Variants in CFAP77 observed in about 807,000 individuals in gnomAD.
CFAP77 encodes cilia- and flagella-associated protein 77.
In CFAP77, 25 loss-of-function variants were observed where a neutral mutation model predicts 31.1. The ratio of observed to expected loss-of-function variants is 0.80; its 90% CI spans 0.59 to 1.12. The LOEUF (loss-of-function observed/expected upper bound fraction) is 1.12, where lower values mean the gene tolerates loss of function less well. Ranked by LOEUF, CFAP77 falls within the 50% of genes most tolerant of loss-of-function variation. CFAP77 has a pLI of 0.00. For missense variants in CFAP77, 377 were observed against 397.3 expected, an observed-to-expected ratio of 0.95 and a Z score of 0.44; for synonymous variants, 151 against 159.9, an observed-to-expected ratio of 0.94 and a Z score of 0.42.
chr9:132,548,616 T>C (rs1852773028), intron 5 of CFAP77, among the ~76,000 whole-genome samples: 2 of 152,056 alleles, frequency 1.3e-5, no homozygotes, highest in Non-Finnish European at 1.5e-5. Flanking sequence ...ATAAAATCTA[T>C]GTTATAATTA....
chr9:132,519,701 T>G (rs960950433), intron 3 of CFAP77, among the ~76,000 whole-genome samples: 3 of 59,800 alleles, frequency 5.0e-5, no homozygotes, highest in African/African-American at 6.4e-5. Flanking sequence ...GGTGGATGGG[T>G]GGGTGGGTGG....
intron 1 of CFAP77, among the ~76,000 whole-genome samples, chr9:132,453,521 G>A (rs1200523674): frequency 2.0e-5 from 3 of 152,164 alleles, no homozygotes; most frequent in South Asian, 2.1e-4. Flanking sequence ...GCGAGACTCC[G>A]TCTCAAAAAA....
At chr9:132,443,428 T>A (rs1188806731) in intron 1 of CFAP77, among the ~76,000 whole-genome samples, 2 of 152,100 alleles carry the variant, frequency 1.3e-5, no homozygotes, top group Non-Finnish European at 2.9e-5. Flanking sequence ...TAATTTTGTA[T>A]TTTTAGTAGA....
At chr9:132,535,189 A>C (rs1292264367) in intron 3 of CFAP77, among the ~76,000 whole-genome samples, 1 of 152,214 alleles carries the variant, frequency 6.6e-6, no homozygotes, top group Non-Finnish European at 1.5e-5. Flanking sequence ...TCAAATTTAA[A>C]ATTACACAGG....
At chr9:132,520,554 A>G (rs11243811) in intron 3 of CFAP77, among the ~76,000 whole-genome samples, 20,944 of 152,188 alleles carry the variant, frequency 0.14, 1,755 homozygotes, top group African/African-American at 0.23. Flanking sequence ...CTGAGGCGAG[A>G]GGATTGCTTG....
intron 5 of CFAP77, among the ~76,000 whole-genome samples, chr9:132,544,490 A>G (rs200722663): frequency 8.9e-6 from 1 of 111,886 alleles, no homozygotes; most frequent in African/African-American, 3.5e-5. Flanking sequence ...CTCACTGCCT[A>G]TTTTTTTTTT....
intron 1 of CFAP77, among the ~76,000 whole-genome samples, chr9:132,426,631 C>T (rs749781539): frequency 2.0e-5 from 3 of 152,164 alleles, no homozygotes; most frequent in Non-Finnish European, 2.9e-5. Context: ...TAACCATCAT[C>T]GTCTAAAGCA....
intron 3 of CFAP77, among the ~76,000 whole-genome samples, chr9:132,522,886 A>T (rs1207765949): frequency 6.6e-6 from 1 of 152,206 alleles, no homozygotes; most frequent in East Asian, 1.9e-4. Context: ...ACCGGAATTC[A>T]TCACCCTCAC....
rs149484424 is a variant in CFAP77 at position 132,436,578 on chromosome 9, T to C, written c.195+26112T>C. Among the ~76,000 whole-genome samples, 148 of 152,212 alleles carry C rather than the reference T, an allele frequency of 9.7e-4. 1 individual carries two copies. Among genetic ancestry groups the C allele is most frequent in the African/African-American group, 3.3e-3 (138 of 41,534 alleles). On this transcript the variant is annotated intron_variant, in intron 1 of 5. Transcript: ENST00000393216. ...TTCAACAAAGAATTTCTCTTCCTAG[T>C]TTTTTCATGGCATGAAGATATATGC...
intron 1 of CFAP77, among the ~76,000 whole-genome samples, chr9:132,457,709 C>T (rs1021312777): frequency 1.3e-5 from 2 of 152,214 alleles, no homozygotes; most frequent in Admixed American, 1.3e-4. Flanking sequence ...GCGTTCCGCA[C>T]GCCACCTTGG....
At chr9:132,520,902 C>T (rs941046625) in intron 3 of CFAP77, among the ~76,000 whole-genome samples, 2 of 152,354 alleles carry the variant, frequency 1.3e-5, no homozygotes, top group South Asian at 2.1e-4. Context: ...AGGAGCAGCC[C>T]GCAGTCCTCC....
At chr9:132,464,936 T>C (rs895406944) in intron 1 of CFAP77, among the ~76,000 whole-genome samples, 5 of 151,864 alleles carry the variant, frequency 3.3e-5, no homozygotes, top group African/African-American at 1.2e-4. Context: ...CCGGGTGTGC[T>C]GGTGCATGCC....
intron 1 of CFAP77, among the ~76,000 whole-genome samples, chr9:132,467,555 C>T (rs1445728427): frequency 6.6e-6 from 1 of 152,106 alleles, no homozygotes; most frequent in African/African-American, 2.4e-5. Flanking sequence ...AGTAATATTC[C>T]CTTGTATGGA....
chr9:132,566,814 C>T (rs10116131), intron 5 of CFAP77, among the ~76,000 whole-genome samples: 66,915 of 151,560 alleles, frequency 0.44, 15,269 homozygotes, highest in African/African-American at 0.56. Context: ...CTCCTGTTCT[C>T]TCCCTTCCCA....
intron 1 of CFAP77, among the ~76,000 whole-genome samples, chr9:132,483,628 A>G (rs1006191925): frequency 6.6e-6 from 1 of 151,560 alleles, no homozygotes; most frequent in Non-Finnish European, 1.5e-5. Flanking sequence ...ATCCAGTTTC[A>G]TGGTTTCAGA....
rs1309954180 is a variant in CFAP77 at position 132,492,505 on chromosome 9, T to C, written c.196-6190T>C. On this transcript the variant is annotated intron_variant, in intron 1 of 5. Transcript: ENST00000393216. ...AATACAATCCAGCCCAGGCCATCTA[T>C]GCTAAATGCCAGCTCATGAAGTAGG... 2.0e-5 allele frequency among the ~76,000 whole-genome samples: 3 copies of C among 152,204 alleles called. No homozygotes were observed. In the East Asian group the frequency reaches 5.8e-4, roughly 29 times the overall value.
intron 3 of CFAP77, among the ~76,000 whole-genome samples, chr9:132,526,131 G>A (rs1407793697): frequency 6.6e-6 from 1 of 152,118 alleles, no homozygotes; most frequent in African/African-American, 2.4e-5. Flanking sequence ...TTGTGAATAA[G>A]TTTTTAGGTC....
intron 5 of CFAP77, among the ~76,000 whole-genome samples, chr9:132,558,890 T>G (rs1564252373): frequency 6.6e-6 from 1 of 151,478 alleles, no homozygotes; most frequent in Non-Finnish European, 1.5e-5. Flanking sequence ...GGCACGCACC[T>G]GTAATCCCAG....
Position 132,564,249 on chromosome 9 carries a change from A to T in CFAP77, c.733-8139A>T, listed in dbSNP as rs528336797. Among the ~76,000 whole-genome samples, 1 of 152,210 alleles carries T rather than the reference A, an allele frequency of 6.6e-6. No homozygotes were observed. Among genetic ancestry groups the T allele is most frequent in the Non-Finnish European group, 1.5e-5 (1 of 68,040 alleles). On this transcript the variant is annotated intron_variant, in intron 5 of 5. Coordinates refer to ENST00000393216, the MANE Select transcript of CFAP77 (RefSeq NM_001282957.2). The surrounding 1 kb of genome is among the most constrained non-coding windows in gnomAD (Gnocchi z 4.6). ...GGACAAGGGCCACATCTTAGCCTCA[A>T]CCCAGGTCCCATGGACATCTTCTCT...
Sources: gnomAD v4.1 joint callset for allele counts (sites outside exome capture counted in the v4.1 genomes callset) on GRCh38, gnomAD v4.1.1 for gene constraint, Gnocchi (gnomAD v3.1) non-coding constraint, MANE v1.5 for transcripts, NCBI Gene and HGNC (gene_info 2026-07-23, HGNC 2026-07-21) for gene names.